STARD13: variants seen among roughly 807,000 people sequenced by gnomAD.
STARD13 encodes StAR related lipid transfer domain containing 13.
In STARD13, 62 loss-of-function variants were observed where a neutral mutation model predicts 106.4. The ratio of observed to expected loss-of-function variants is 0.58; its 90% CI spans 0.48 to 0.72. The LOEUF (loss-of-function observed/expected upper bound fraction) is 0.72. Among genes scored for constraint, STARD13 ranks in the 30% least tolerant of loss-of-function variants. The probability of loss-of-function intolerance (pLI) is 0.00; values close to 1 mark genes in which losing one functional copy is unlikely to be tolerated. For missense variants in STARD13, 1,387 were observed against 1,424.0 expected (o/e 0.97, Z 0.42); for synonymous variants, 565 against 553.0 (o/e 1.02, Z -0.31).
rs1285069901 is a variant in STARD13, at chr13:33,293,566, A to G, written c.124+56724T>C. ...ACTGTGATGGTTAATACTGAGTGTC[A>G]ACTTGACTGGATTTAAGGATACAAA... On this transcript the variant is annotated intron_variant, in intron 1 of 5. Transcript: ENST00000567873. 3.3e-5 allele frequency among the ~76,000 whole-genome samples: 5 copies of G among 152,188 alleles called. No individual in the cohort carries two copies. In the East Asian group the frequency reaches 9.6e-4, roughly 29 times the overall value.
chr13:33,430,066 C>T, the STARD13 span, among the ~76,000 whole-genome samples: 7 of 152,042 alleles, frequency 4.6e-5, no homozygotes, highest in Middle Eastern at 3.4e-3. Flanking sequence ...TACAGGCGCC[C>T]GCCACCACGC....
At chr13:33,205,867 C>T (rs1887382540) in intron 1 of STARD13, 3 of 985,406 alleles carry the variant, frequency 3.0e-6, no homozygotes, top group Non-Finnish European at 2.4e-6. Context: ...AAACAAAACC[C>T]CTCTCTTCTT....
chr13:33,388,242 A>G, the STARD13 span, among the ~76,000 whole-genome samples: 3 of 152,186 alleles, frequency 2.0e-5, no homozygotes, highest in African/African-American at 7.2e-5. Context: ...GAAAACAGAC[A>G]TCAAGACTGA....
At chr13:33,197,945 C>T (rs1308085127) in intron 1 of STARD13, among the ~76,000 whole-genome samples, 2 of 152,136 alleles carry the variant, frequency 1.3e-5, no homozygotes, top group Non-Finnish European at 1.5e-5. Context: ...CCGAGATGGG[C>T]GGATCATGAG....
the STARD13 span, chr13:33,383,753 T>TA: frequency 2.1e-5 from 1 of 46,742 alleles, no homozygotes; most frequent in Non-Finnish European, 3.5e-5. Flanking sequence ...TGAGACTGTC[T>TA]CAAAAAAAAA....
chr13:33,250,440 A>G (rs971858970), intron 1 of STARD13, among the ~76,000 whole-genome samples: 3 of 152,194 alleles, frequency 2.0e-5, no homozygotes, highest in African/African-American at 7.2e-5. Flanking sequence ...CTTGTAACCA[A>G]TGTCTCCCTT....
At chr13:33,515,272 G>A in the STARD13 span, among the ~76,000 whole-genome samples, 1 of 152,188 alleles carries the variant, frequency 6.6e-6, no homozygotes, top group Non-Finnish European at 1.5e-5. Context: ...AGGCTATTTA[G>A]AAAAGGTTCT....
the STARD13 span, among the ~76,000 whole-genome samples, chr13:33,358,193 C>G: frequency 6.6e-6 from 1 of 152,220 alleles, no homozygotes; most frequent in Non-Finnish European, 1.5e-5. Context: ...CTCGATTTCT[C>G]GCCGGGCCTT....
At chr13:33,336,571 T>A (rs1420659756) in intron 1 of STARD13, 1 of 152,140 alleles carries the variant, frequency 6.6e-6, no homozygotes, top group Non-Finnish European at 1.5e-5. Flanking sequence ...CCAGGCAACA[T>A]GGCGAGACTC....
At chr13:33,232,775 AG>A (rs1346576345) in intron 1 of STARD13, among the ~76,000 whole-genome samples, 5 of 152,226 alleles carry the variant, frequency 3.3e-5, no homozygotes, top group Admixed American at 6.5e-5. Context: ...CCCTCACTCA[AG>A]GGAATGAAAC....
At chr13:33,626,946 T>G in the STARD13 span, among the ~76,000 whole-genome samples, 1 of 152,166 alleles carries the variant, frequency 6.6e-6, no homozygotes, top group African/African-American at 2.4e-5. Flanking sequence ...ATTCTGGCCA[T>G]CAGGACTAAA....
intron 12 of STARD13, among the ~76,000 whole-genome samples, chr13:33,109,535 A>C (rs1593849000): frequency 1.3e-5 from 2 of 152,236 alleles, no homozygotes; most frequent in African/African-American, 4.8e-5. Flanking sequence ...AGTCAGATCC[A>C]TTTGCATAAT....
intron 1 of STARD13, among the ~76,000 whole-genome samples, chr13:33,219,821 AAAAAAG>A (rs895761068): frequency 8.8e-5 from 13 of 147,994 alleles, no homozygotes; most frequent in East Asian, 3.9e-4. Context: ...AACAAAAAAA[AAAAAAG>A]AAAGAAAGAA....
chr13:33,550,441 G>A, the STARD13 span, among the ~76,000 whole-genome samples: 2 of 152,154 alleles, frequency 1.3e-5, no homozygotes, highest in Non-Finnish European at 2.9e-5. Context: ...CTCACCAGCT[G>A]TAGTCAGTGT....
Position 33,118,123 on chromosome 13 carries a change from G to A in STARD13, c.2223C>T (p.Asp741=), listed in dbSNP as rs1875670683. ...VADMVKQFFR[D]LPEPLFTNKL... is the part of the protein sequence containing the mutation. Reference sequence around the variant, plus strand: ...TGTTGGTGAAAAGAGGCTCAGGGAGGTCCCGGAAGAACTGTTTCACCATAT... The same window carrying A: ...TGTTGGTGAAAAGAGGCTCAGGGAGATCCCGGAAGAACTGTTTCACCATAT... Residue 741 remains aspartate (D), a synonymous_variant, in exon 8 of 14, where the codon GAC becomes GAT. Transcript: ENST00000336934. 2 of 1,614,088 alleles carry A rather than the reference G, an allele frequency of 1.2e-6. No individual in the cohort carries two copies. Among genetic ancestry groups the A allele is most frequent in the African/African-American group, 2.7e-5 (2 of 74,930 alleles).
the STARD13 span, among the ~76,000 whole-genome samples, chr13:33,545,454 G>A: frequency 6.6e-6 from 1 of 152,192 alleles, no homozygotes; most frequent in Non-Finnish European, 1.5e-5. Context: ...CACTAATGAA[G>A]CAGGCAGAGA....
the STARD13 span, among the ~76,000 whole-genome samples, chr13:33,535,345 C>G: frequency 6.6e-6 from 1 of 152,124 alleles, no homozygotes; most frequent in East Asian, 1.9e-4. Context: ...TTCCTTTAAA[C>G]TTAATATTGA....
chr13:33,254,608 C>G (rs1373742408), intron 1 of STARD13, among the ~76,000 whole-genome samples: 1 of 152,150 alleles, frequency 6.6e-6, no homozygotes, highest in Non-Finnish European at 1.5e-5. Context: ...GCCATGCCCC[C>G]CTATCCTGTA....
At chr13:33,626,481 T>A in the STARD13 span, among the ~76,000 whole-genome samples, 1 of 152,188 alleles carries the variant, frequency 6.6e-6, no homozygotes, top group Non-Finnish European at 1.5e-5. Flanking sequence ...TTATTATCTA[T>A]CTCTCTAATC....
Sources: gnomAD v4.1 joint callset for allele counts (sites outside exome capture counted in the v4.1 genomes callset) on GRCh38, gnomAD v4.1.1 for gene constraint, MANE v1.5 for transcripts, NCBI Gene and HGNC (gene_info 2026-07-23, HGNC 2026-07-21) for gene names.